FHIT: variants seen among roughly 807,000 people sequenced by gnomAD.
FHIT encodes bis(5'-adenosyl)-triphosphatase.
FHIT carries 19 observed loss-of-function variants against 17.9 expected under a neutral mutation model. The observed-to-expected ratio is 1.06, with a 90% CI of 0.74 to 1.56. FHIT has a LOEUF of 1.56. Among genes scored for constraint, FHIT ranks in the 40% most tolerant of loss-of-function variants. The pLI is 0.00. For missense variants in FHIT, 248 were observed against 189.2 expected, an observed-to-expected ratio of 1.31 and a Z score of -1.82; for synonymous variants, 81 against 69.7, an observed-to-expected ratio of 1.16 and a Z score of -0.81.
intron 5 of FHIT, among the ~76,000 whole-genome samples, chr3:60,093,735 G>A (rs35037895): frequency 0.078 from 11,899 of 152,162 alleles, 559 homozygotes; most frequent in Non-Finnish European, 0.097. Context: ...TTTAGAATGC[G>A]GGCTCCTTAT....
At chr3:60,350,413 T>C (rs1402348577) in intron 5 of FHIT, among the ~76,000 whole-genome samples, 1 of 152,208 alleles carries the variant, frequency 6.6e-6, no homozygotes, top group East Asian at 1.9e-4. Context: ...CCCATGATTT[T>C]ATATATACAT....
chr3:61,095,392 T>C (rs1036787994), intron 2 of FHIT, among the ~76,000 whole-genome samples: 3 of 152,154 alleles, frequency 2.0e-5, no homozygotes, highest in African/African-American at 7.2e-5. Flanking sequence ...ATGGAACAAT[T>C]CTAAGCCTGT....
At chr3:60,437,811 A>C (rs1377103398) in intron 5 of FHIT, among the ~76,000 whole-genome samples, 1 of 152,094 alleles carries the variant, frequency 6.6e-6, no homozygotes, top group African/African-American at 2.4e-5. Context: ...TATTCTAAAA[A>C]TATGGAGTTA....
At chr3:60,805,681 G>A (rs1163195095) in intron 4 of FHIT, among the ~76,000 whole-genome samples, 4 of 151,876 alleles carry the variant, frequency 2.6e-5, no homozygotes, top group East Asian at 3.9e-4. Flanking sequence ...TTAGCCTCCC[G>A]AGGAGCTGGG....
chr3:59,880,566 C>T (rs1167216732), intron 8 of FHIT, among the ~76,000 whole-genome samples: 2 of 152,148 alleles, frequency 1.3e-5, no homozygotes, highest in African/African-American at 4.8e-5. Context: ...GTACCTGTGT[C>T]CCACTGTGCA....
chr3:60,132,491 A>G (rs1235129472), intron 5 of FHIT, among the ~76,000 whole-genome samples: 1 of 152,190 alleles, frequency 6.6e-6, no homozygotes, highest in Non-Finnish European at 1.5e-5. Flanking sequence ...ATTGGCAAAC[A>G]TTACTACAGG....
Position 60,291,136 on chromosome 3 carries a change from A to C in FHIT, c.103+245724T>G, listed in dbSNP as rs150839687. On this transcript the variant is annotated intron_variant, in intron 5 of 9. Transcript: ENST00000492590. ...CACAAGGAGTGAGGTTAAATGGGGA[A>C]GTTTAATAGGCCAAAGAAAGAGAAT... Among the ~76,000 whole-genome samples, 74 of 152,258 alleles carry C rather than the reference A, an allele frequency of 4.9e-4. 2 individuals carry two copies. In the East Asian group the frequency reaches 0.014, roughly 29 times the overall value.
intron 1 of FHIT, among the ~76,000 whole-genome samples, chr3:61,231,062 G>A (rs528219501): frequency 5.9e-5 from 9 of 152,250 alleles, no homozygotes; most frequent in South Asian, 2.1e-4. Context: ...AAAATGAGTC[G>A]CTAGTAAATA....
chr3:60,469,731 A>T (rs1336303364), intron 5 of FHIT, among the ~76,000 whole-genome samples: 1 of 151,982 alleles, frequency 6.6e-6, no homozygotes, highest in Non-Finnish European at 1.5e-5. Context: ...CTGGGTTTTG[A>T]AGAGTTAGGT....
intron 4 of FHIT, among the ~76,000 whole-genome samples, chr3:60,716,361 A>T (rs1200424985): frequency 2.6e-5 from 4 of 152,072 alleles, no homozygotes; most frequent in Non-Finnish European, 5.9e-5. Flanking sequence ...CTTTTTCTAT[A>T]AGCTTTTTTA....
intron 5 of FHIT, among the ~76,000 whole-genome samples, chr3:60,124,342 G>T (rs1365220386): frequency 6.6e-6 from 1 of 151,844 alleles, no homozygotes; most frequent in Non-Finnish European, 1.5e-5. Flanking sequence ...GAGCTAGCAA[G>T]TATCTGCCCT....
chr3:60,668,647 C>T (rs556446013), intron 4 of FHIT, among the ~76,000 whole-genome samples: 1 of 150,952 alleles, frequency 6.6e-6, no homozygotes, highest in Non-Finnish European at 1.5e-5. Context: ...CTGCAAGCTC[C>T]GCCTCCCAGG....
intron 7 of FHIT, among the ~76,000 whole-genome samples, chr3:60,000,598 G>A (rs1461051104): frequency 6.6e-6 from 1 of 151,968 alleles, no homozygotes; most frequent in African/African-American, 2.4e-5. Context: ...CAAGAGGGAG[G>A]GTAGGAAGAA....
chr3:60,682,938 G>A (rs1553697301), intron 4 of FHIT, among the ~76,000 whole-genome samples: 1 of 152,180 alleles, frequency 6.6e-6, no homozygotes, highest in Non-Finnish European at 1.5e-5. Flanking sequence ...GGGAGAAGTT[G>A]ATTCCAACTC....
chr3:60,773,849 T>C (rs1700127552), intron 4 of FHIT, among the ~76,000 whole-genome samples: 1 of 152,280 alleles, frequency 6.6e-6, no homozygotes, highest in African/African-American at 2.4e-5. Flanking sequence ...TCTGGCTTAA[T>C]ACCACCTTCT....
intron 5 of FHIT, among the ~76,000 whole-genome samples, chr3:60,456,692 T>C (rs976225658): frequency 6.6e-6 from 1 of 152,158 alleles, no homozygotes; most frequent in Non-Finnish European, 1.5e-5. Flanking sequence ...TTTACTGATA[T>C]CAGCACTGAA....
chr3:61,235,286 G>C (rs181504870), intron 1 of FHIT, among the ~76,000 whole-genome samples: 1 of 152,124 alleles, frequency 6.6e-6, no homozygotes, highest in East Asian at 1.9e-4. Context: ...TTGAGCCCTT[G>C]TTTAACCTCT....
chr3:60,962,643 T>C (rs143731432), intron 3 of FHIT, among the ~76,000 whole-genome samples: 4,526 of 152,274 alleles, frequency 0.03, 96 homozygotes, highest in Non-Finnish European at 0.043. Flanking sequence ...GCATGAAGCA[T>C]TGTTGAATTT....
chr3:60,569,210 C>T (rs1270116646), intron 4 of FHIT, among the ~76,000 whole-genome samples: 1 of 152,052 alleles, frequency 6.6e-6, no homozygotes. Flanking sequence ...AATCTATTTT[C>T]AGATTCCAGG....
Sources: gnomAD v4.1 joint callset for allele counts (sites outside exome capture counted in the v4.1 genomes callset) on GRCh38, gnomAD v4.1.1 for gene constraint, MANE v1.5 for transcripts, NCBI Gene and HGNC (gene_info 2026-07-23, HGNC 2026-07-21) for gene names.